IFT88: variants seen among roughly 807,000 people sequenced by gnomAD.
The protein encoded by IFT88 is intraflagellar transport protein 88 homolog.
In IFT88, 74 loss-of-function variants were observed where a neutral mutation model predicts 119.5. That is an observed-to-expected ratio of 0.62 (90% CI 0.51 to 0.75). The LOEUF (loss-of-function observed/expected upper bound fraction) is 0.75, where lower values mean the gene tolerates loss of function less well. IFT88 is among the 30% of genes least tolerant of loss of function. The probability of loss-of-function intolerance (pLI) is 0.00; values close to 1 mark genes in which losing one functional copy is unlikely to be tolerated. For missense variants in IFT88, 961 were observed against 977.7 expected (o/e 0.98, Z 0.23); for synonymous variants, 279 against 316.7 (o/e 0.88, Z 1.26).
At chr13:20,647,203 C>A (rs1005767132) in intron 20 of IFT88, among the ~76,000 whole-genome samples, 1 of 152,180 alleles carries the variant, frequency 6.6e-6, no homozygotes. Context: ...ATCTCCTTCT[C>A]AGTGACAGAA....
At chr13:20,577,022 T>C (rs1460701792) in intron 2 of IFT88, among the ~76,000 whole-genome samples, 1 of 152,216 alleles carries the variant, frequency 6.6e-6, no homozygotes, top group Non-Finnish European at 1.5e-5. Flanking sequence ...CATTTTCTTA[T>C]GTCCTCTTCA....
intron 20 of IFT88, 41 bp from the exon 21 acceptor site, chr13:20,653,834 AT>A (rs370716205): frequency 6.0e-5 from 72 of 1,194,740 alleles, no homozygotes; most frequent in Middle Eastern, 2.0e-4. Flanking sequence ...AGCATCACAG[AT>A]TTTTTTATCT....
chr13:20,587,930 A>C (rs966673520), intron 3 of IFT88, among the ~76,000 whole-genome samples: 5 of 149,378 alleles, frequency 3.3e-5, no homozygotes, highest in African/African-American at 9.8e-5. Context: ...ATTTTAGTTA[A>C]GTATTTATTC....
chr13:20,598,187 T>C (rs1027922128), intron 9 of IFT88, among the ~76,000 whole-genome samples: 1 of 152,322 alleles, frequency 6.6e-6, no homozygotes, highest in Admixed American at 6.5e-5. Context: ...ATGATGATCA[T>C]TTTTTACCTT....
Position 20,625,776 on chromosome 13 carries a change from A to G in IFT88, c.1226A>G (p.Gln409Arg). 6.2e-7 allele frequency: 1 copy of G among 1,605,876 alleles called. No homozygotes were observed. Among genetic ancestry groups the G allele is most frequent in the Non-Finnish European group, 8.5e-7 (1 of 1,177,632 alleles). The change falls in exon 15 of 26, where the codon CAA becomes CGA. Residue 409 changes from glutamine (Q) to arginine (R), a missense_variant. Gln to Arg is a conservative substitution (Grantham distance 43, BLOSUM62 1). Transcript: ENST00000351808. ...DWCVEVVKAS[Q>R]YVELANDLEI... is the part of the protein sequence containing the mutation. ...TGCGTGGAAGTGGTGAAAGCTTCTC[A>G]ATATGTAGAGCTAGCCAATGATCTG...
intron 24 of IFT88, among the ~76,000 whole-genome samples, chr13:20,678,182 A>G (rs565318210): frequency 9.9e-5 from 15 of 152,214 alleles, no homozygotes; most frequent in Non-Finnish European, 1.5e-4. Flanking sequence ...AAGAGGATAT[A>G]AACTATTCTC....
intron 17 of IFT88, among the ~76,000 whole-genome samples, chr13:20,640,580 A>AAATAAATG (rs2049763941): frequency 1.2e-5 from 1 of 83,904 alleles, no homozygotes; most frequent in African/African-American, 4.2e-5. Flanking sequence ...CAAAATAAAT[A>AAATAAATG]AATAAATAAA....
At chr13:20,666,134 C>T (rs1016393516) in intron 23 of IFT88, among the ~76,000 whole-genome samples, 7 of 152,174 alleles carry the variant, frequency 4.6e-5, no homozygotes, top group Non-Finnish European at 4.4e-5. Context: ...GACAGAACCC[C>T]GTACTTTTTT....
rs752851395 is a variant in IFT88 at position 20,644,954 on chromosome 13, A to T, written c.1945A>T (p.Ile649Leu). Residue 649 changes from isoleucine (I) to leucine (L), a missense_variant, in exon 20 of 26, where the codon ATA becomes TTA. Physicochemically the swap from Ile to Leu is conservative, Grantham distance 5 (BLOSUM62 2). Transcript: ENST00000351808. ...AIQYFERASL[I>L]QPTQVKWQLM... is the part of the protein sequence containing the mutation. ...TCAGTACTTTGAAAGAGCTTCTCTT[A>T]TACAGTAAGTAATCATTAGGATTTT... The T allele has an allele frequency of 1.4e-6, 2 of 1,426,880 alleles. No individual in the cohort carries two copies. The highest frequency in any genetic ancestry group is 2.4e-5 in the South Asian group (2 of 83,332). 88.4% of individuals were successfully genotyped at this position (1,426,880 alleles called of 1,614,324 possible). A position where few individuals can be genotyped will look rare whatever the true frequency, so the allele number is the denominator to read the frequency against.
At chr13:20,625,458 T>C (rs2047151093) in intron 14 of IFT88, among the ~76,000 whole-genome samples, 1 of 152,220 alleles carries the variant, frequency 6.6e-6, no homozygotes, top group Non-Finnish European at 1.5e-5. Flanking sequence ...AACTGTCGTC[T>C]GTTACAAATT....
Position 20,574,438 on chromosome 13 carries a change from C to T in IFT88, c.53C>T (p.Ser18Phe). The change falls in exon 2 of 26, where the codon TCC becomes TTC. Residue 18 changes from serine to phenylalanine, a missense_variant. Ser to Phe is a radical substitution (Grantham distance 155). Transcript: ENST00000351808. ...GAGACAGATGAAGATGATCTTTATT[C>T]CGGCTATAATGACTACAATCCAATC... ...APETDEDDLYSGYNDYNPIYD... is the reference protein window; with the variant it reads ...APETDEDDLYFGYNDYNPIYD... 6.2e-7 allele frequency: 1 copy of T among 1,611,082 alleles called. No individual in the cohort carries two copies. Among genetic ancestry groups the T allele is most frequent in the South Asian group, 1.1e-5 (1 of 90,694 alleles).
At chr13:20,583,112 G>A (rs1335983110) in intron 3 of IFT88, 93 bp downstream of exon 3, 2 of 670,058 alleles carry the variant, frequency 3.0e-6, no homozygotes, top group Non-Finnish European at 5.0e-6. Context: ...TTCCTGTAGT[G>A]TTAAAGATTA....
chr13:20,616,910 G>A (rs576957010), intron 14 of IFT88, among the ~76,000 whole-genome samples: 1 of 152,068 alleles, frequency 6.6e-6, no homozygotes, highest in South Asian at 2.1e-4. Context: ...CTATGTGGTT[G>A]GTCCTGGACC....
At chr13:20,627,753 AG>A (rs2047584761) in intron 15 of IFT88, among the ~76,000 whole-genome samples, 5 of 125,602 alleles carry the variant, frequency 4.0e-5, no homozygotes, top group African/African-American at 1.3e-4. Flanking sequence ...AAAAAAAAAA[AG>A]GTTAAGAATG....
chr13:20,625,936 GT>G (rs1302720839), intron 15 of IFT88, 87 bp downstream of exon 15: 6 of 478,434 alleles, frequency 1.3e-5, no homozygotes, highest in Non-Finnish European at 1.4e-5. Flanking sequence ...CTAGAATAAT[GT>G]TATCTGTGAT....
Position 20,596,229 on chromosome 13 carries a change from G to T in IFT88, c.478G>T (p.Asp160Tyr). The change falls in exon 8 of 26, where the codon GAC becomes TAC. Residue 160 changes from aspartate to tyrosine, a missense_variant. Physicochemically the swap from Asp to Tyr is radical, Grantham distance 160. Transcript: ENST00000351808. ...EESCIANSCG[D>Y]LKLALEKAKD... ...AAGCTGTATTGCCAATAGTTGTGGA[G>T]ACTTAAAATTGGTAAGTTCATAAAC... 1.3e-6 allele frequency: 2 copies of T among 1,500,058 alleles called. No individual in the cohort carries two copies. The highest frequency in any genetic ancestry group is 1.8e-6 in the Non-Finnish European group (2 of 1,095,364). 92.9% of individuals were successfully genotyped at this position (1,500,058 alleles called of 1,614,324 possible).
intron 1 of IFT88, chr13:20,568,117 G>GA (rs1255967232): frequency 1.5e-6 from 1 of 652,632 alleles, no homozygotes; most frequent in Admixed American, 2.2e-5. Context: ...GCCGGGGTTG[G>GA]AAAAGCTTGA....
intron 14 of IFT88, among the ~76,000 whole-genome samples, chr13:20,618,667 A>G (rs1168037875): frequency 6.6e-6 from 1 of 152,150 alleles, no homozygotes; most frequent in African/African-American, 2.4e-5. Context: ...GGGATAGAAC[A>G]TCTATATTTT....
chr13:20,656,050 A>G (rs1420072493), intron 21 of IFT88, among the ~76,000 whole-genome samples: 1 of 140,890 alleles, frequency 7.1e-6, no homozygotes, highest in Non-Finnish European at 1.5e-5. Flanking sequence ...TATAGGCTGT[A>G]GTACTTAATG....
Sources: allele counts gnomAD v4.1 joint callset (sites outside exome capture counted in the v4.1 genomes callset), GRCh38; gene constraint gnomAD v4.1.1; transcripts MANE v1.5; gene names NCBI Gene and HGNC (gene_info 2026-07-23, HGNC 2026-07-21).